MRPL33: variants seen among roughly 807,000 people sequenced by gnomAD.
MRPL33 encodes large ribosomal subunit protein bL33m.
MRPL33 carries 5 observed loss-of-function variants against 10.1 expected under a neutral mutation model. The ratio of observed to expected loss-of-function variants is 0.49; its 90% CI spans 0.26 to 1.04. The LOEUF (loss-of-function observed/expected upper bound fraction) is 1.04, where lower values mean the gene tolerates loss of function less well. MRPL33 is among the 50% of genes least tolerant of loss of function. The pLI, the probability that MRPL33 is intolerant of heterozygous loss-of-function variation, is 0.14. For synonymous variants in MRPL33, 24 were observed against 27.7 expected (o/e 0.87, Z 0.42); for missense variants, 79 against 78.1 (o/e 1.01, Z -0.04).
chr2:27,778,705 C>T (rs1462595770), intron 3 of MRPL33, among the ~76,000 whole-genome samples: 11 of 152,144 alleles, frequency 7.2e-5, no homozygotes, highest in Non-Finnish European at 4.4e-5. Flanking sequence ...CAGGCATGCA[C>T]CACCATGCCT....
intron 1 of MRPL33, chr2:27,772,267 A>T: frequency 4.2e-6 from 1 of 235,818 alleles, no homozygotes; most frequent in Non-Finnish European, 8.2e-6. Flanking sequence ...AGTTAGATTT[A>T]GTATCTGGTT....
rs764934798 is a variant in MRPL33 at position 27,771,763 on chromosome 2, C to T, written c.-15C>T. ...CCTTTTGGCCGGTGACGGAGACTGC[C>T]CAGGTGTGGTCACCATGTTCCTCTC... On this transcript the variant is annotated 5_prime_UTR_variant, in exon 1 of 4. Coordinates refer to ENST00000296102, the MANE Select transcript of MRPL33 (RefSeq NM_004891.4). 4.3e-6 allele frequency: 7 copies of T among 1,614,132 alleles called. No individual in the cohort carries two copies. The South Asian group carries it at 5.5e-5, about 13-fold the overall frequency.
intron 3 of MRPL33, among the ~76,000 whole-genome samples, chr2:27,778,433 GTA>G (rs1356304542): frequency 4.0e-5 from 6 of 151,538 alleles, no homozygotes; most frequent in African/African-American, 1.5e-4. Flanking sequence ...GAGGAAATAG[GTA>G]GGGGTGTGTG....
chr2:27,776,858 A>T (rs941023978), intron 3 of MRPL33, among the ~76,000 whole-genome samples: 1 of 152,236 alleles, frequency 6.6e-6, no homozygotes, highest in African/African-American at 2.4e-5. Flanking sequence ...TGTCATTTCA[A>T]CTCAGTGTTG....
chr2:27,777,193 A>C (rs1227284478), intron 3 of MRPL33, among the ~76,000 whole-genome samples: 2 of 152,040 alleles, frequency 1.3e-5, no homozygotes, highest in Non-Finnish European at 2.9e-5. Flanking sequence ...CTAATTTAAA[A>C]ATAGGTTTTT....
At chr2:27,774,681 C>G (rs555805250) in intron 3 of MRPL33, 151 bp downstream of exon 3, 115 of 640,952 alleles carry the variant, frequency 1.8e-4, no homozygotes, top group Admixed American at 1.5e-3. Flanking sequence ...TATTTAACAT[C>G]CCAGGTGCTG....
intron 2 of MRPL33, 73 bp downstream of exon 2, chr2:27,772,765 C>A: frequency 8.3e-7 from 1 of 1,207,076 alleles, no homozygotes; most frequent in Non-Finnish European, 1.2e-6. Context: ...GCTCCCAGTA[C>A]ATCCTTATAT....
Position 27,779,589 on chromosome 2 carries a change from T to C in MRPL33, c.*107T>C. 6.3e-7 allele frequency: 1 copy of C among 1,583,606 alleles called. No homozygotes were observed. On this transcript the variant is annotated 3_prime_UTR_variant, in exon 4 of 4. Coordinates refer to ENST00000296102, the MANE Select transcript of MRPL33 (RefSeq NM_004891.4). ...TAAAAGAAGAGGAAATGGCATGGAA[T>C]CACTGCCTCCTGTGATTTGAAGGCC...
At chr2:27,774,162 C>T (rs762121341) in intron 2 of MRPL33, among the ~76,000 whole-genome samples, 10 of 152,104 alleles carry the variant, frequency 6.6e-5, no homozygotes, top group Admixed American at 2.0e-4. Context: ...AGGCTAGTCC[C>T]GCAATGTGGC....
chr2:27,778,328 A>C lies in MRPL33; in HGVS notation c.149-1105A>C, dbSNP rs1475877837. On this transcript the variant is annotated intron_variant, in intron 3 of 3. Coordinates refer to ENST00000296102, the MANE Select transcript of MRPL33 (RefSeq NM_004891.4). ...CTAAAATGTCTGTATGATAGGGACA[A>C]GTGAGGAATTGTTAGGTCATAGTTG... Among the ~76,000 whole-genome samples the C allele has an allele frequency of 5.3e-5, 8 of 152,292 alleles. No individual in the cohort carries two copies. The East Asian group carries it at 1.3e-3, about 26-fold the overall frequency.
Position 27,774,483 on chromosome 2 carries a change from G to A in MRPL33, c.101G>A (p.Arg34Lys). 1 of 1,614,100 alleles carries A rather than the reference G, an allele frequency of 6.2e-7. No individual in the cohort carries two copies. Among genetic ancestry groups the A allele is most frequent in the Non-Finnish European group, 8.5e-7 (1 of 1,179,962 alleles). ...AGTGFCFNTK[R>K]NRLREKLTLL... The stretch of plus-strand genomic sequence containing the variant: ...ACAGGTTTCTGCTTCAACACCAAGA[G>A]AAACCGACTGCGGGAAAAACTGACT... The change falls in exon 3 of 4, where the codon AGA (arginine) becomes AAA (lysine). Residue 34 changes from arginine (R) to lysine (K), a missense_variant. Transcript: ENST00000296102.
chr2:27,772,409 AG>A, intron 1 of MRPL33: 1 of 392,960 alleles, frequency 2.5e-6, no homozygotes. Context: ...AAGATTTAAA[AG>A]GTAGCCAGTC....
rs567533152 is a variant in MRPL33, at chr2:27,775,512, C to T, written c.148+982C>T. Among the ~76,000 whole-genome samples, 83 of 151,948 alleles carry T rather than the reference C, an allele frequency of 5.5e-4. No homozygotes were observed. The South Asian group carries it at 8.6e-3, about 16-fold the overall frequency. On this transcript the variant is annotated intron_variant, in intron 3 of 3. Coordinates refer to ENST00000296102, the MANE Select transcript of MRPL33 (RefSeq NM_004891.4). ...GACTACAGGTGTGTGCCACCACACCCGGCTAACTTTTATATTTTTAGTAGA... is the reference window on the plus strand; with the variant it reads ...GACTACAGGTGTGTGCCACCACACCTGGCTAACTTTTATATTTTTAGTAGA...
chr2:27,773,927 G>A (rs1039999741), intron 2 of MRPL33, among the ~76,000 whole-genome samples: 1 of 152,196 alleles, frequency 6.6e-6, no homozygotes, highest in Admixed American at 6.5e-5. Flanking sequence ...TGGATGAGTG[G>A]AACTTAAATG....
At chr2:27,774,357 A>G in intron 2 of MRPL33, 67 bp from the exon 3 acceptor site, 1 of 1,287,106 alleles carries the variant, frequency 7.8e-7, no homozygotes, top group East Asian at 2.3e-5. Flanking sequence ...AAAATGTGCC[A>G]TCCCCCTGTG....
intron 1 of MRPL33, 35 bp from the exon 2 acceptor site, chr2:27,772,639 A>C (rs964960389): frequency 2.0e-6 from 3 of 1,525,060 alleles, no homozygotes; most frequent in African/African-American, 1.4e-5. Flanking sequence ...TTATATTTTT[A>C]TTTTCTTTTC....
intron 3 of MRPL33, 42 bp downstream of exon 3, chr2:27,774,572 C>A (rs555547407): frequency 2.0e-6 from 3 of 1,497,062 alleles, no homozygotes; most frequent in East Asian, 2.3e-5. Context: ...CCTGTTGCCC[C>A]CTTTGTAGGC....
Position 27,771,735 on chromosome 2 carries a change from G to A in MRPL33, c.-43G>A, listed in dbSNP as rs1396168448. The stretch of plus-strand genomic sequence containing the variant: ...CCCGGAAGCAGTTGTTGTTGGTTGG[G>A]GGCCTTTTGGCCGGTGACGGAGACT... On this transcript the variant is annotated 5_prime_UTR_variant, in exon 1 of 4. Coordinates refer to ENST00000296102, the MANE Select transcript of MRPL33 (RefSeq NM_004891.4). The A allele has an allele frequency of 3.7e-6, 6 of 1,613,400 alleles. No homozygotes were observed. In the African/African-American group the frequency reaches 5.3e-5, roughly 14 times the overall value.
At chr2:27,778,569 T>G (rs1677217994) in intron 3 of MRPL33, among the ~76,000 whole-genome samples, 1 of 152,066 alleles carries the variant, frequency 6.6e-6, no homozygotes, top group South Asian at 2.1e-4. Context: ...TTTTTTTTTT[T>G]TTGAGACGGA....
Sources: allele counts gnomAD v4.1 joint callset (sites outside exome capture counted in the v4.1 genomes callset), GRCh38; gene constraint gnomAD v4.1.1; transcripts MANE v1.5; gene names NCBI Gene and HGNC (gene_info 2026-07-23, HGNC 2026-07-21).